PACRG: variants seen among roughly 807,000 people sequenced by gnomAD.
The protein encoded by PACRG is parkin coregulated gene protein.
Under a neutral mutation model 29.7 loss-of-function variants are expected in PACRG, and 29 were observed. The ratio of observed to expected loss-of-function variants is 0.98; its 90% confidence interval spans 0.73 to 1.33. PACRG has a LOEUF of 1.33. Ranked by LOEUF, PACRG falls within the 40% of genes most tolerant of loss-of-function variation. PACRG has a pLI of 0.00. For synonymous variants in PACRG, 116 were observed against 118.7 expected, an observed-to-expected ratio of 0.98 and a Z score of 0.15; for missense variants, 279 against 316.2, an observed-to-expected ratio of 0.88 and a Z score of 0.89.
intron 2 of PACRG, among the ~76,000 whole-genome samples, chr6:162,974,457 C>A (rs754902161): frequency 2.0e-5 from 3 of 152,120 alleles, no homozygotes; most frequent in Non-Finnish European, 4.4e-5. Flanking sequence ...GCTTATATTT[C>A]TTTATAGTAC....
At chr6:163,179,670 C>T (rs1388296118) in intron 4 of PACRG, among the ~76,000 whole-genome samples, 1 of 150,934 alleles carries the variant, frequency 6.6e-6, no homozygotes, top group Non-Finnish European at 1.5e-5. Flanking sequence ...GATTGTGCCA[C>T]TGCACTCCAG....
chr6:163,230,759 C>T (rs540826570), intron 4 of PACRG, among the ~76,000 whole-genome samples: 25 of 152,270 alleles, frequency 1.6e-4, no homozygotes, highest in African/African-American at 5.8e-4. Flanking sequence ...TGTGTAATGC[C>T]GAACTGCTGT....
intron 4 of PACRG, among the ~76,000 whole-genome samples, chr6:163,095,942 T>G (rs542519749): frequency 1.3e-5 from 2 of 152,302 alleles, no homozygotes; most frequent in South Asian, 4.1e-4. Flanking sequence ...AATCTCATCT[T>G]TGATAAATAA....
intron 4 of PACRG, among the ~76,000 whole-genome samples, chr6:163,309,774 A>G (rs1041280052): frequency 6.6e-6 from 1 of 152,196 alleles, no homozygotes; most frequent in Non-Finnish European, 1.5e-5. Flanking sequence ...CGTGGACCTG[A>G]CAACTCTGCC....
upstream of PACRG, chr6:162,727,218 A>C (rs943388540): frequency 6.0e-6 from 1 of 166,276 alleles, no homozygotes; most frequent in African/African-American, 2.4e-5. Context: ...CGGTTTCCTG[A>C]AAGAGCCCCA....
At chr6:163,007,753 G>A (rs752632507) in intron 2 of PACRG, among the ~76,000 whole-genome samples, 167 of 152,214 alleles carry the variant, frequency 1.1e-3, no homozygotes, top group Non-Finnish European at 2.0e-3. Context: ...AATTAATCAG[G>A]TCGCTCTTGC....
intron 4 of PACRG, among the ~76,000 whole-genome samples, chr6:163,303,409 G>T (rs1276145459): frequency 6.6e-6 from 1 of 152,218 alleles, no homozygotes. Flanking sequence ...AAAACAGGTT[G>T]TATCTGGCAT....
intron 4 of PACRG, among the ~76,000 whole-genome samples, chr6:163,238,895 C>A (rs1292492556): frequency 2.6e-5 from 4 of 152,194 alleles, no homozygotes; most frequent in African/African-American, 7.2e-5. Context: ...TAATCCATCT[C>A]ATGCTTCAAC....
chr6:163,251,407 C>T (rs990096495), intron 4 of PACRG, among the ~76,000 whole-genome samples: 1 of 152,192 alleles, frequency 6.6e-6, no homozygotes, highest in Non-Finnish European at 1.5e-5. Context: ...ATGGAGAACA[C>T]GTCGGGGACT....
chr6:163,010,273 TG>T (rs1437487449), intron 2 of PACRG, among the ~76,000 whole-genome samples: 1 of 152,262 alleles, frequency 6.6e-6, no homozygotes, highest in Admixed American at 6.5e-5. Context: ...TTCTGATTTA[TG>T]TAGCATTTTA....
chr6:163,082,937 A>G (rs1000581024), intron 3 of PACRG, among the ~76,000 whole-genome samples: 4 of 152,204 alleles, frequency 2.6e-5, no homozygotes, highest in African/African-American at 9.7e-5. Context: ...CTACCCAGAA[A>G]TGAAACTGCT....
intron 4 of PACRG, among the ~76,000 whole-genome samples, chr6:163,091,732 G>GA (rs946081255): frequency 1.3e-5 from 2 of 151,578 alleles, no homozygotes; most frequent in Admixed American, 6.6e-5. Flanking sequence ...AATTCTTTCA[G>GA]AAAAAAAAGC....
intron 2 of PACRG, among the ~76,000 whole-genome samples, chr6:162,885,391 T>C (rs148225391): frequency 0.04 from 6,051 of 152,176 alleles, 402 homozygotes; most frequent in African/African-American, 0.14. Context: ...TGCCTCAGCC[T>C]CCCAAGTAGC....
chr6:162,741,653 C>T (rs973060130), intron 1 of PACRG, among the ~76,000 whole-genome samples: 1 of 152,168 alleles, frequency 6.6e-6, no homozygotes, highest in Admixed American at 6.5e-5. Flanking sequence ...AGCTTCAACA[C>T]ATTAATTTTG....
intron 4 of PACRG, among the ~76,000 whole-genome samples, chr6:163,285,707 G>A (rs1179018199): frequency 6.6e-6 from 1 of 152,236 alleles, no homozygotes; most frequent in East Asian, 1.9e-4. Context: ...CTCCTGCACA[G>A]GCAGAGCAGC....
intron 2 of PACRG, among the ~76,000 whole-genome samples, chr6:162,921,726 A>G (rs1797079692): frequency 6.6e-6 from 1 of 152,148 alleles, no homozygotes; most frequent in African/African-American, 2.4e-5. Context: ...CGTGTATACA[A>G]TGTGTAATTA....
At chr6:163,002,840 GACTCC>G (rs1279344019) in intron 2 of PACRG, among the ~76,000 whole-genome samples, 1 of 152,158 alleles carries the variant, frequency 6.6e-6, no homozygotes, top group Non-Finnish European at 1.5e-5. Flanking sequence ...AGAGAACCTT[GACTCC>G]TCTGCAGCAG....
At chr6:163,273,306 A>G (rs377233920) in intron 4 of PACRG, among the ~76,000 whole-genome samples, 10 of 152,230 alleles carry the variant, frequency 6.6e-5, no homozygotes, top group East Asian at 5.8e-4. Context: ...TTTCAGTATC[A>G]ATGTTATACT....
intron 4 of PACRG, among the ~76,000 whole-genome samples, chr6:163,307,707 G>T (rs112408234): frequency 4.6e-5 from 7 of 152,312 alleles, no homozygotes; most frequent in African/African-American, 1.4e-4. Flanking sequence ...GGGGAGAAAA[G>T]TTGAGTCCCC....
Sources: allele counts gnomAD v4.1 joint callset (sites outside exome capture counted in the v4.1 genomes callset), GRCh38; gene constraint gnomAD v4.1.1; transcripts MANE v1.5; gene names NCBI Gene and HGNC (gene_info 2026-07-23, HGNC 2026-07-21).